CDK8: variants seen among roughly 807,000 people sequenced by gnomAD.
CDK8 encodes the protein cyclin-dependent kinase 8.
Under a neutral mutation model 71.5 loss-of-function variants are expected in CDK8, and 29 were observed. That is an observed-to-expected ratio of 0.41 (90% CI 0.30 to 0.55). The LOEUF is 0.55. Ranked by LOEUF, CDK8 falls within the 20% of genes least tolerant of loss-of-function variation. The pLI, the probability that CDK8 is intolerant of heterozygous loss-of-function variation, is 0.37. For synonymous variants in CDK8, 161 were observed against 192.1 expected, an observed-to-expected ratio of 0.84 and a Z score of 1.34; for missense variants, 288 against 572.6, an observed-to-expected ratio of 0.50 and a Z score of 5.07.
rs146692010 is a variant in CDK8 at position 26,288,748 on chromosome 13, CA to C, written c.128+33981del. On this transcript the variant is annotated intron_variant, in intron 1 of 12. Transcript: ENST00000381527. ...CATTTATTTAGGACTTTCATTTCTC[CA>C]AGCTTCTGTAAGTTTTTTGGGTTGA... Among the ~76,000 whole-genome samples, 964 of 152,138 alleles carry C rather than the reference CA, an allele frequency of 6.3e-3. 10 individuals are homozygous for C. Among genetic ancestry groups the C allele is most frequent in the African/African-American group, 0.021 (865 of 41,504 alleles).
At chr13:26,366,962 T>A (rs1593292271) in intron 4 of CDK8, among the ~76,000 whole-genome samples, 2 of 152,342 alleles carry the variant, frequency 1.3e-5, no homozygotes, top group South Asian at 4.1e-4. Flanking sequence ...GCTGCCATAG[T>A]AATTCTTGGT....
chr13:26,346,028 G>T (rs1435819205), intron 2 of CDK8, among the ~76,000 whole-genome samples: 1 of 152,128 alleles, frequency 6.6e-6, no homozygotes, highest in Non-Finnish European at 1.5e-5. Context: ...ATTCCTCTAG[G>T]ATGTTAGCTC....
rs547357806 is a variant in CDK8, at chr13:26,337,627, A to G, written c.189A>G (p.Ala63=). The G allele has an allele frequency of 5.8e-5, 83 of 1,438,986 alleles. 1 individual carries two copies. The South Asian group carries it at 1.3e-3, about 22-fold the overall frequency. The allele number at this position is 1,438,986 out of a possible 1,614,324, so 89.1% of individuals were successfully genotyped here. The change falls in exon 2 of 13, where the codon GCA becomes GCG. Residue 63 remains alanine, a synonymous_variant. Coordinates refer to ENST00000381527, the MANE Select transcript of CDK8 (RefSeq NM_001260.3). The part of the protein sequence containing the change: ...QIEGTGISMS[A]CREIALLREL... ...AAGGAACTGGGATCTCTATGTCGGCATGTAGAGAAATAGCAGTAAGTGAAG... is the reference window on the plus strand; with the variant it reads ...AAGGAACTGGGATCTCTATGTCGGCGTGTAGAGAAATAGCAGTAAGTGAAG...
intron 2 of CDK8, among the ~76,000 whole-genome samples, chr13:26,347,944 C>G (rs368071501): frequency 1.3e-5 from 2 of 152,024 alleles, no homozygotes; most frequent in East Asian, 1.9e-4. Flanking sequence ...GGTTTATGCT[C>G]AAAGCATTGA....
At chr13:26,348,222 G>A (rs1252017517) in intron 2 of CDK8, among the ~76,000 whole-genome samples, 1 of 152,096 alleles carries the variant, frequency 6.6e-6, no homozygotes. Context: ...TCTAGATTAG[G>A]AAGATTCTTA....
intron 8 of CDK8, 53 bp from the exon 9 acceptor site, chr13:26,397,100 T>G: frequency 1.0e-6 from 1 of 998,054 alleles, no homozygotes; most frequent in Non-Finnish European, 1.6e-6. Context: ...CTTTAGCCAA[T>G]GTACAATTAA....
At chr13:26,333,097 T>C (rs1402825792) in intron 1 of CDK8, among the ~76,000 whole-genome samples, 1 of 152,072 alleles carries the variant, frequency 6.6e-6, no homozygotes, top group Non-Finnish European at 1.5e-5. Flanking sequence ...CTGTGCTGCT[T>C]AGGACTACCC....
chr13:26,332,921 A>C (rs2137965900), intron 1 of CDK8, among the ~76,000 whole-genome samples: 1 of 152,206 alleles, frequency 6.6e-6, no homozygotes, highest in African/African-American at 2.4e-5. Flanking sequence ...CTCATCCAAA[A>C]GTCAGAAATC....
intron 2 of CDK8, among the ~76,000 whole-genome samples, chr13:26,347,977 G>A (rs546634679): frequency 1.3e-5 from 2 of 152,184 alleles, no homozygotes; most frequent in South Asian, 4.2e-4. Context: ...TCATCAGATA[G>A]TGTATACCAC....
chr13:26,290,444 G>C (rs1873240786), intron 1 of CDK8, among the ~76,000 whole-genome samples: 1 of 152,158 alleles, frequency 6.6e-6, no homozygotes, highest in East Asian at 1.9e-4. Flanking sequence ...CCTGATTATA[G>C]TATGCTTTGT....
intron 3 of CDK8, among the ~76,000 whole-genome samples, chr13:26,351,043 A>G (rs1873660349): frequency 6.6e-6 from 1 of 152,160 alleles, no homozygotes; most frequent in South Asian, 2.1e-4. Flanking sequence ...TAATTTTGAA[A>G]CATAGTAACA....
intron 1 of CDK8, among the ~76,000 whole-genome samples, chr13:26,307,746 A>G (rs186597221): frequency 1.3e-5 from 2 of 152,284 alleles, no homozygotes; most frequent in East Asian, 3.9e-4. Flanking sequence ...ATACTTCTAT[A>G]CCATGTATAG....
chr13:26,396,662 T>C (rs1419127783), intron 8 of CDK8, among the ~76,000 whole-genome samples: 1 of 152,090 alleles, frequency 6.6e-6, no homozygotes, highest in Admixed American at 6.5e-5. Flanking sequence ...TAAATAAGAA[T>C]CTAAATAAAT....
intron 1 of CDK8, among the ~76,000 whole-genome samples, chr13:26,332,434 G>A (rs551006764): frequency 6.1e-4 from 92 of 151,882 alleles, no homozygotes; most frequent in Non-Finnish European, 1.2e-3. Context: ...GCAGTGAGCT[G>A]AGATCATGCC....
chr13:26,398,354 G>A (rs776753014), intron 9 of CDK8, among the ~76,000 whole-genome samples: 25 of 152,142 alleles, frequency 1.6e-4, no homozygotes, highest in Admixed American at 4.6e-4. Context: ...ATGACTTAGG[G>A]GAATTATTAT....
intron 1 of CDK8, among the ~76,000 whole-genome samples, chr13:26,269,011 C>T (rs1338289952): frequency 1.3e-5 from 2 of 152,134 alleles, no homozygotes; most frequent in Non-Finnish European, 2.9e-5. Context: ...TTGGCTTTGA[C>T]ATTGTTTATT....
intron 1 of CDK8, among the ~76,000 whole-genome samples, chr13:26,276,524 C>G (rs551007970): frequency 1.3e-5 from 2 of 152,276 alleles, no homozygotes; most frequent in African/African-American, 4.8e-5. Context: ...AGTTTTCCAG[C>G]TATCATAAGG....
chr13:26,369,413 C>CA (rs1331064488), intron 4 of CDK8, among the ~76,000 whole-genome samples: 3 of 128,786 alleles, frequency 2.3e-5, no homozygotes, highest in Non-Finnish European at 3.1e-5. Flanking sequence ...CGCACCACTG[C>CA]ACTCCAGCCG....
intron 1 of CDK8, among the ~76,000 whole-genome samples, chr13:26,306,782 C>T (rs764340564): frequency 4.6e-5 from 7 of 152,072 alleles, no homozygotes; most frequent in Non-Finnish European, 1.0e-4. Context: ...GCACCCACCA[C>T]CACACCTGGC....
Sources: allele counts gnomAD v4.1 joint callset (sites outside exome capture counted in the v4.1 genomes callset), GRCh38; gene constraint gnomAD v4.1.1; transcripts MANE v1.5; gene names NCBI Gene and HGNC (gene_info 2026-07-23, HGNC 2026-07-21).